The following PTPN9 variants were observed in gnomAD, a reference collection of about 807,000 sequenced individuals.
The protein encoded by PTPN9 is tyrosine-protein phosphatase non-receptor type 9.
In PTPN9, 26 loss-of-function variants were observed where a neutral mutation model predicts 69.8. That is an observed-to-expected ratio of 0.37 (90% confidence interval 0.27 to 0.52). PTPN9 has a LOEUF of 0.52. Ranked by LOEUF, PTPN9 falls within the 20% of genes least tolerant of loss-of-function variation. The pLI is 0.91. For synonymous variants in PTPN9, 274 were observed against 272.5 expected (o/e 1.01, Z -0.05); for missense variants, 549 against 740.3 (o/e 0.74, Z 3.00).
Position 75,466,024 on chromosome 15 carries a change from A to C in PTPN9, c.*2745T>G, listed in dbSNP as rs2141666452. The C allele has an allele frequency of 6.6e-6, 1 of 152,300 alleles. No individual in the cohort carries two copies. The highest frequency in any genetic ancestry group is 1.9e-4 in the East Asian group (1 of 5,194). The allele number at this position is 152,300 out of a possible 1,614,324, so 9.4% of individuals were successfully genotyped here. ...AGATTAATCTTCTGCTCTACACTTG[A>C]GCTCCTGATTATGGTAAGAAACTCG... On this transcript the variant is annotated 3_prime_UTR_variant, in exon 13 of 13. Coordinates refer to ENST00000618819, the MANE Select transcript of PTPN9 (RefSeq NM_002833.4).
rs532346132 is a variant in PTPN9, at chr15:75,527,630, A to G, written c.64-369T>C. ...CACTTTGGGAGGTAGAGGTGGGAGG[A>G]TCACTTGAGGTCAGGAGTTCAAGAC... On this transcript the variant is annotated intron_variant, in intron 1 of 12. Coordinates refer to ENST00000618819, the MANE Select transcript of PTPN9 (RefSeq NM_002833.4). Among the ~76,000 whole-genome samples the G allele has an allele frequency of 3.3e-5, 5 of 152,280 alleles. No homozygotes were observed. The East Asian group carries it at 7.7e-4, about 24-fold the overall frequency.
At chr15:75,554,291 T>C (rs1294480353) in intron 1 of PTPN9, among the ~76,000 whole-genome samples, 1 of 150,438 alleles carries the variant, frequency 6.6e-6, no homozygotes, top group Non-Finnish European at 1.5e-5. Flanking sequence ...GCCTCCCGGG[T>C]TCAAGCGATT....
At chr15:75,572,640 A>C (rs1396627206) in intron 1 of PTPN9, among the ~76,000 whole-genome samples, 1 of 152,104 alleles carries the variant, frequency 6.6e-6, no homozygotes, top group East Asian at 1.9e-4. Context: ...GCTTGAACCC[A>C]GAAGGCGGAG....
intron 4 of PTPN9, among the ~76,000 whole-genome samples, chr15:75,521,168 GGGCACGGT>G (rs1478319284): frequency 1.3e-5 from 2 of 150,692 alleles, no homozygotes; most frequent in Non-Finnish European, 3.0e-5. Flanking sequence ...ACAATGGGCC[GGGCACGGT>G]GGCTCACGCC....
intron 1 of PTPN9, among the ~76,000 whole-genome samples, chr15:75,555,273 C>A (rs796302488): frequency 6.6e-6 from 1 of 152,096 alleles, no homozygotes; most frequent in East Asian, 1.9e-4. Flanking sequence ...AAATTCAAGA[C>A]TTCCCTTCCT....
chr15:75,503,879 C>A (rs1478087682), intron 7 of PTPN9, among the ~76,000 whole-genome samples: 6 of 114,422 alleles, frequency 5.2e-5, no homozygotes, highest in Admixed American at 9.0e-5. Flanking sequence ...CTCCGCCCGG[C>A]CAGCCGCCCC....
intron 8 of PTPN9, among the ~76,000 whole-genome samples, chr15:75,481,755 T>G (rs191933102): frequency 1.9e-5 from 1 of 53,832 alleles, no homozygotes; most frequent in Non-Finnish European, 3.5e-5. Context: ...AGGTGAGGGG[T>G]GCCTCTGCCC....
chr15:75,507,699 G>A (rs1480799515), intron 6 of PTPN9, among the ~76,000 whole-genome samples: 14 of 151,916 alleles, frequency 9.2e-5, no homozygotes, highest in African/African-American at 2.7e-4. Flanking sequence ...CCTGGGAGGC[G>A]GAGCTTGCAG....
chr15:75,528,997 A>AT (rs887772645), intron 1 of PTPN9, among the ~76,000 whole-genome samples: 7 of 146,168 alleles, frequency 4.8e-5, no homozygotes, highest in East Asian at 4.0e-4. Flanking sequence ...CTAAATTGGA[A>AT]TTTTTTTTTT....
chr15:75,482,794 A>G (rs1196379496), intron 8 of PTPN9, among the ~76,000 whole-genome samples: 1 of 150,972 alleles, frequency 6.6e-6, no homozygotes, highest in African/African-American at 2.4e-5. Context: ...AATTAAAAAA[A>G]AATACAAAAA....
chr15:75,463,419 G>C lies in PTPN9; in HGVS notation c.*5350C>G, dbSNP rs2074524535. The C allele has an allele frequency of 6.6e-6, 1 of 152,236 alleles. No individual in the cohort carries two copies. Among genetic ancestry groups the C allele is most frequent in the Non-Finnish European group, 1.5e-5 (1 of 68,048 alleles). 9.4% of individuals were successfully genotyped at this position (152,236 alleles called of 1,614,324 possible). On this transcript the variant is annotated 3_prime_UTR_variant, in exon 13 of 13. Coordinates refer to ENST00000618819, the MANE Select transcript of PTPN9 (RefSeq NM_002833.4). ...ACGCAGCAGCATTAGAGAAGTAGTAGATTATAATGTGCGGGGAGGGGAGAC... is the reference window on the plus strand; with the variant it reads ...ACGCAGCAGCATTAGAGAAGTAGTACATTATAATGTGCGGGGAGGGGAGAC...
intron 1 of PTPN9, among the ~76,000 whole-genome samples, chr15:75,543,532 T>C (rs2141331592): frequency 6.6e-6 from 1 of 152,312 alleles, no homozygotes; most frequent in Non-Finnish European, 1.5e-5. Context: ...ACACATATCA[T>C]TCATCTTATT....
chr15:75,568,012 A>G (rs1007876926), intron 1 of PTPN9, among the ~76,000 whole-genome samples: 1 of 149,966 alleles, frequency 6.7e-6, no homozygotes, highest in Non-Finnish European at 1.5e-5. Context: ...AAAAAAAAAG[A>G]AAACAAAAAC....
At chr15:75,498,401 G>T (rs2074755138) in intron 7 of PTPN9, among the ~76,000 whole-genome samples, 1 of 151,782 alleles carries the variant, frequency 6.6e-6, no homozygotes, top group African/African-American at 2.4e-5. Flanking sequence ...GAGGTGGTGG[G>T]AAGGAGGTAT....
At chr15:75,535,752 T>C (rs1196092377) in intron 1 of PTPN9, among the ~76,000 whole-genome samples, 3 of 152,210 alleles carry the variant, frequency 2.0e-5, no homozygotes, top group Admixed American at 6.5e-5. Flanking sequence ...TCTCCTTCAT[T>C]GTGATTACTG....
chr15:75,524,766 A>T, intron 2 of PTPN9, among the ~76,000 whole-genome samples: 1 of 119,776 alleles, frequency 8.3e-6, no homozygotes, highest in Admixed American at 1.1e-4. Context: ...TGACAAAATG[A>T]GACTCTGTCT....
intron 1 of PTPN9, among the ~76,000 whole-genome samples, chr15:75,567,595 G>A (rs1306809632): frequency 6.6e-6 from 1 of 152,162 alleles, no homozygotes; most frequent in Non-Finnish European, 1.5e-5. Flanking sequence ...ACTTACCTGT[G>A]CTACCTACAC....
chr15:75,536,473 T>C (rs2074982732), intron 1 of PTPN9, among the ~76,000 whole-genome samples: 3 of 152,200 alleles, frequency 2.0e-5, no homozygotes, highest in Admixed American at 1.3e-4. Flanking sequence ...TCTCTATGGA[T>C]ATAAAAAAAA....
chr15:75,474,627 C>T (rs2074586071), intron 9 of PTPN9, among the ~76,000 whole-genome samples: 1 of 152,124 alleles, frequency 6.6e-6, no homozygotes, highest in Non-Finnish European at 1.5e-5. Flanking sequence ...CTGACTTACC[C>T]ATTTCCTTCA....
Sources: gnomAD v4.1 joint callset for allele counts (sites outside exome capture counted in the v4.1 genomes callset) on GRCh38, gnomAD v4.1.1 for gene constraint, MANE v1.5 for transcripts, NCBI Gene and HGNC (gene_info 2026-07-23, HGNC 2026-07-21) for gene names.